DNAH17: variants seen among roughly 807,000 people sequenced by gnomAD.
DNAH17 encodes the protein axonemal beta dynein heavy chain 17.
DNAH17 carries 376 observed loss-of-function variants against 485.6 expected under a neutral mutation model. That is an observed-to-expected ratio of 0.77 (90% CI 0.71 to 0.84). The LOEUF (loss-of-function observed/expected upper bound fraction) is 0.84. Among genes scored for constraint, DNAH17 ranks in the 40% least tolerant of loss-of-function variants. The pLI is 0.00. For missense variants in DNAH17, 6,370 were observed against 5,839.3 expected (o/e 1.09, Z -2.96); for synonymous variants, 3,031 against 2,405.9 (o/e 1.26, Z -7.60).
intron 27 of DNAH17, among the ~76,000 whole-genome samples, chr17:78,509,634 G>C (rs963436242): frequency 2.2e-4 from 33 of 152,154 alleles, no homozygotes; most frequent in Admixed American, 7.9e-4. Context: ...CCTGGATACT[G>C]GAACTGCCGG....
At chr17:78,428,872 C>G (rs550420933) in intron 76 of DNAH17, among the ~76,000 whole-genome samples, 165 bp from the exon 77 acceptor site, 1 of 142,990 alleles carries the variant, frequency 7.0e-6, no homozygotes, top group African/African-American at 2.6e-5. Context: ...GTGCTCCCAG[C>G]GACATAAAGG....
Position 78,486,364 on chromosome 17 carries a change from C to G in DNAH17, c.6961G>C (p.Val2321Leu). 1 of 1,613,882 alleles carries G rather than the reference C, an allele frequency of 6.2e-7. No homozygotes were observed. Among genetic ancestry groups the G allele is most frequent in the African/African-American group, 1.3e-5 (1 of 75,028 alleles). Residue 2321 changes from valine to leucine, a missense_variant, in exon 45 of 81, where the codon GTG becomes CTG. Transcript: ENST00000389840. Reference sequence around the variant, plus strand: ...AGCAGGTACAGAATCGTTTGGATCACCGTGATCTCCGGCACTGGCGTGATC... The same window carrying G: ...AGCAGGTACAGAATCGTTTGGATCAGCGTGATCTCCGGCACTGGCGTGATC... ...KKITPVPEIT[V>L]IQTILYLLEC... is the part of the protein sequence containing the mutation.
At position 78,569,208 on chromosome 17, in the gene DNAH17, A is replaced by T; in HGVS notation, c.1242T>A (p.Phe414Leu). Residue 414 changes from phenylalanine (F) to leucine (L), a missense_variant, in exon 9 of 81, where the codon TTT becomes TTA. Phe to Leu is a conservative substitution (Grantham distance 22, BLOSUM62 0). Transcript: ENST00000389840. ...VPWEFPSSLA[F>L]SRINSFFQRI... is the part of the protein sequence containing the mutation. ...GCTGGAAGAAGGAATTTATCCTGGA[A>T]AAGGCAAGAGAAGAAGGGAATTCCC... The T allele has an allele frequency of 6.2e-7, 1 of 1,609,450 alleles. No individual in the cohort carries two copies. The highest frequency in any genetic ancestry group is 1.1e-5 in the South Asian group (1 of 89,884).
intron 65 of DNAH17, among the ~76,000 whole-genome samples, 152 bp downstream of exon 65, chr17:78,453,191 G>C (rs962357105): frequency 6.6e-6 from 1 of 152,178 alleles, no homozygotes; most frequent in Non-Finnish European, 1.5e-5. Flanking sequence ...GGAGCTGGGG[G>C]TTCCTTCCCA....
intron 35 of DNAH17, chr17:78,500,853 C>G (rs942606195): frequency 8.3e-6 from 2 of 241,964 alleles, no homozygotes; most frequent in Non-Finnish European, 1.6e-5. Context: ...GAACCACAAC[C>G]GTGGAGCAGA....
At position 78,475,448 on chromosome 17, in the gene DNAH17, C is replaced by A. The variant is rs773068288; in HGVS notation, c.8341G>T (p.Ala2781Ser). Residue 2781 changes from alanine (A) to serine (S), a missense_variant, in exon 54 of 81, where the codon GCT becomes TCT. Ala to Ser is a moderately conservative substitution (Grantham distance 99). Coordinates refer to ENST00000389840, the MANE Select transcript of DNAH17 (RefSeq NM_173628.4). ...MNLVLFEDAV[A>S]HICRINRILE... ...ATGCGATTAATCCTGCAGATGTGAGCCACGGCGTCCTCAAACAGCACCTGC... is the reference window on the plus strand; with the variant it reads ...ATGCGATTAATCCTGCAGATGTGAGACACGGCGTCCTCAAACAGCACCTGC... 3 of 1,613,724 alleles carry A rather than the reference C, an allele frequency of 1.9e-6. No individual in the cohort carries two copies. The African/African-American group carries it at 4.0e-5, about 22-fold the overall frequency.
intron 16 of DNAH17, among the ~76,000 whole-genome samples, chr17:78,545,864 T>C (rs937972125): frequency 6.6e-6 from 1 of 152,212 alleles, no homozygotes; most frequent in Non-Finnish European, 1.5e-5. Flanking sequence ...TTTTGTATGG[T>C]TAGCTAAATA....
At chr17:78,524,600 G>C (rs2091014927) in intron 25 of DNAH17, among the ~76,000 whole-genome samples, 1 of 128,538 alleles carries the variant, frequency 7.8e-6, no homozygotes, top group Non-Finnish European at 1.7e-5. Context: ...CCAGCCTCCA[G>C]AACGGTGAGG....
At chr17:78,551,064 CAA>C (rs912582238) in intron 16 of DNAH17, among the ~76,000 whole-genome samples, 1 of 151,492 alleles carries the variant, frequency 6.6e-6, no homozygotes, top group African/African-American at 2.4e-5. Flanking sequence ...ACTAAAAAAA[CAA>C]AAACAAAAAC....
rs756931296 is a variant in DNAH17, at chr17:78,543,910, T to G, written c.2479A>C (p.Lys827Gln). The G allele has an allele frequency of 6.2e-7, 1 of 1,614,052 alleles. No individual in the cohort carries two copies. Among genetic ancestry groups the G allele is most frequent in the East Asian group, 2.2e-5 (1 of 44,890 alleles). ...GCATCCCTGACTGCTGCGTAGCGCTTGTTGAGGTTGGCAATTCTTCCATCC... is the reference window on the plus strand; with the variant it reads ...GCATCCCTGACTGCTGCGTAGCGCTGGTTGAGGTTGGCAATTCTTCCATCC... ...DLDGRIANLN[K>Q]RYAAVRDAGV... The change falls in exon 17 of 81, where the codon AAG becomes CAG. Residue 827 changes from lysine (K) to glutamine (Q), a missense_variant. By Grantham distance (53) the Lys-to-Gln change is moderately conservative. Transcript: ENST00000389840.
At chr17:78,489,579 A>G (rs894976) in intron 44 of DNAH17, 48,636 of 152,014 alleles carry the variant, frequency 0.32, 8,165 homozygotes, top group African/African-American at 0.4. Context: ...ACTGAGGTGA[A>G]TGCTCCCTCC....
At position 78,560,838 on chromosome 17, in the gene DNAH17, C is replaced by T. The variant is rs756120148; in HGVS notation, c.1933G>A (p.Val645Met). ...TGGCAGTCCTGGTCCACGCCCGCCA[C>T]CCACTGCTGGTAGATCTTCTCGCGG... ...CHREKIYQQW[V>M]AGVDQDCHFN... Residue 645 changes from valine (V) to methionine (M), a missense_variant, in exon 13 of 81, where the codon GTG (valine) becomes ATG (methionine). Transcript: ENST00000389840. 3.2e-6 allele frequency: 5 copies of T among 1,551,864 alleles called. No individual in the cohort carries two copies. In the African/African-American group the frequency reaches 5.5e-5, roughly 17 times the overall value.
At position 78,537,076 on chromosome 17, in the gene DNAH17, G is replaced by A. The variant is rs188724298; in HGVS notation, c.2859+223C>T. Among the ~76,000 whole-genome samples the A allele has an allele frequency of 3.2e-3, 484 of 151,650 alleles. 6 individuals are homozygous for A. Among genetic ancestry groups the A allele is most frequent in the African/African-American group, 0.011 (442 of 41,338 alleles). On this transcript the variant is annotated intron_variant, in intron 19 of 80. Transcript: ENST00000389840. ...GCCTGTAATCCCAGCTACTCGGGAC[G>A]CTGAGGCAGGAGAATGGCTTGAACC...
Position 78,496,179 on chromosome 17 carries a change from T to A in DNAH17, c.5746-147A>T. 3 of 955,390 alleles carry A rather than the reference T, an allele frequency of 3.1e-6. No homozygotes were observed. The South Asian group carries it at 5.8e-5, about 19-fold the overall frequency. The allele number at this position is 955,390 out of a possible 1,614,324, so 59.2% of individuals were successfully genotyped here. On this transcript the variant is annotated intron_variant, in intron 37 of 80. Coordinates refer to ENST00000389840, the MANE Select transcript of DNAH17 (RefSeq NM_173628.4). The stretch of plus-strand genomic sequence containing the variant: ...AGTTTATTTTTTAAATTAAGCCTTT[T>A]ATTTTTGAGAAAGTTGTAGATTTGC...
intron 16 of DNAH17, among the ~76,000 whole-genome samples, 188 bp from the exon 17 acceptor site, chr17:78,544,185 G>C (rs768977933): frequency 2.6e-5 from 4 of 152,192 alleles, no homozygotes; most frequent in Non-Finnish European, 5.9e-5. Flanking sequence ...GTTGACCAGA[G>C]AACCTTAAAT....
At chr17:78,563,892 A>G (rs1006858612) in intron 11 of DNAH17, among the ~76,000 whole-genome samples, 1 of 152,150 alleles carries the variant, frequency 6.6e-6, no homozygotes, top group Non-Finnish European at 1.5e-5. Flanking sequence ...ATGGGTTACA[A>G]GAGTTATTTC....
intron 17 of DNAH17, 164 bp downstream of exon 17, chr17:78,543,693 G>T (rs530920247): frequency 1.9e-6 from 2 of 1,037,328 alleles, no homozygotes; most frequent in Non-Finnish European, 3.0e-6. Context: ...CCAGAGTGCT[G>T]GGATTACAGG....
At chr17:78,539,647 A>G in intron 18 of DNAH17, 90 bp downstream of exon 18, 2 of 1,123,650 alleles carry the variant, frequency 1.8e-6, no homozygotes, top group Non-Finnish European at 1.2e-6. Context: ...TTATAAAATG[A>G]TAGCCTGTTC....
intron 14 of DNAH17, among the ~76,000 whole-genome samples, chr17:78,554,665 T>G (rs551221465): frequency 1.3e-5 from 2 of 152,268 alleles, no homozygotes; most frequent in African/African-American, 4.8e-5. Flanking sequence ...TCTAGGACCC[T>G]TCTACATGAA....
Sources: allele counts gnomAD v4.1 joint callset (sites outside exome capture counted in the v4.1 genomes callset), GRCh38; gene constraint gnomAD v4.1.1; transcripts MANE v1.5; gene names NCBI Gene and HGNC (gene_info 2026-07-23, HGNC 2026-07-21).